The following GPLD1 variants were observed in gnomAD, a reference collection of about 807,000 sequenced individuals.
GPLD1 encodes the protein phosphatidylinositol-glycan-specific phospholipase D.
GPLD1 carries 84 observed loss-of-function variants against 112.6 expected under a neutral mutation model. The observed-to-expected ratio is 0.75, with a 90% CI of 0.63 to 0.89. GPLD1 has a LOEUF of 0.89. Ranked by LOEUF, GPLD1 falls within the 40% of genes least tolerant of loss-of-function variation. GPLD1 has a pLI of 0.00. For missense variants in GPLD1, 1,044 were observed against 1,051.5 expected (o/e 0.99, Z 0.10); for synonymous variants, 386 against 403.8 (o/e 0.96, Z 0.53).
At chr6:24,480,335 G>A (rs558142224) in intron 2 of GPLD1, among the ~76,000 whole-genome samples, 6 of 151,394 alleles carry the variant, frequency 4.0e-5, no homozygotes, top group East Asian at 1.9e-4. Flanking sequence ...GTTGTTGTTT[G>A]TTTGTGTTTT....
At chr6:24,484,432 T>C (rs1376982511) in intron 2 of GPLD1, among the ~76,000 whole-genome samples, 1 of 151,626 alleles carries the variant, frequency 6.6e-6, no homozygotes, top group Non-Finnish European at 1.5e-5. Flanking sequence ...GCCAGGCTGT[T>C]CTCAAACTCC....
intron 2 of GPLD1, among the ~76,000 whole-genome samples, chr6:24,484,115 C>T (rs1764293523): frequency 6.6e-6 from 1 of 151,872 alleles, no homozygotes; most frequent in South Asian, 2.1e-4. Context: ...CGGGGTTTCA[C>T]CGTGTTAGCC....
chr6:24,451,671 G>A (rs116409213), intron 14 of GPLD1, among the ~76,000 whole-genome samples: 2,390 of 152,256 alleles, frequency 0.016, 31 homozygotes, highest in South Asian at 0.05. Context: ...ACATAACAAC[G>A]AATGGCCTTT....
Position 24,428,828 on chromosome 6 carries a change from A to C in GPLD1, c.*204T>G. On this transcript the variant is annotated 3_prime_UTR_variant, in exon 25 of 25. Coordinates refer to ENST00000230036, the MANE Select transcript of GPLD1 (RefSeq NM_001503.4). ...GTAAGCAGAATGTCTGCTATTTCACATATTTCTGGTGCAGTCATATATTTA... is the reference window on the plus strand; with the variant it reads ...GTAAGCAGAATGTCTGCTATTTCACCTATTTCTGGTGCAGTCATATATTTA... 2.3e-6 allele frequency: 1 copy of C among 430,596 alleles called. No homozygotes were observed. The highest frequency in any genetic ancestry group is 4.1e-6 in the Non-Finnish European group (1 of 243,050). The allele number at this position is 430,596 out of a possible 1,614,324, so 26.7% of individuals were successfully genotyped here. A position where few individuals can be genotyped will look rare whatever the true frequency, so the allele number is the denominator to read the frequency against.
At chr6:24,449,251 G>A (rs548643669) in intron 15 of GPLD1, among the ~76,000 whole-genome samples, 1 of 152,102 alleles carries the variant, frequency 6.6e-6, no homozygotes, top group Non-Finnish European at 1.5e-5. Context: ...AGTTGAGTCT[G>A]CAGAGGGCAG....
At chr6:24,439,514 G>C (rs1762680298) in intron 20 of GPLD1, among the ~76,000 whole-genome samples, 3 of 152,158 alleles carry the variant, frequency 2.0e-5, no homozygotes, top group Admixed American at 6.5e-5. Context: ...GTCTGTTAAA[G>C]AAGAGAAGCA....
intron 15 of GPLD1, 131 bp from the exon 16 acceptor site, chr6:24,448,339 G>T: frequency 2.5e-6 from 1 of 398,642 alleles, no homozygotes; most frequent in Non-Finnish European, 4.9e-6. Flanking sequence ...CAGTGCTTTG[G>T]GAGGCCCAAG....
chr6:24,464,500 A>C (rs907279995), intron 10 of GPLD1, among the ~76,000 whole-genome samples: 7 of 152,208 alleles, frequency 4.6e-5, no homozygotes, highest in African/African-American at 1.7e-4. Flanking sequence ...TGTTAAAAAC[A>C]AGTTTATTAT....
At position 24,427,240 on chromosome 6, in the gene GPLD1, G is replaced by A. The variant is rs1420994192; in HGVS notation, c.*1792C>T. Among the ~76,000 whole-genome samples the A allele has an allele frequency of 1.3e-5, 2 of 152,206 alleles. No individual in the cohort carries two copies. Among genetic ancestry groups the A allele is most frequent in the Non-Finnish European group, 2.9e-5 (2 of 68,040 alleles). On this transcript the variant is annotated 3_prime_UTR_variant, in exon 25 of 25. Transcript: ENST00000230036. ...CTTAAGTGTGCCACGCTGCAGGACT[G>A]ACAAATGAAATCCATCCTACGAAAA...
At chr6:24,478,354 G>T (rs1696351734) in intron 3 of GPLD1, among the ~76,000 whole-genome samples, 1 of 152,190 alleles carries the variant, frequency 6.6e-6, no homozygotes, top group Non-Finnish European at 1.5e-5. Flanking sequence ...AAAGCTAGCT[G>T]CCTGGGATTC....
At chr6:24,445,668 T>C (rs901941802) in intron 19 of GPLD1, 29 bp from the exon 20 acceptor site, 5 of 1,604,616 alleles carry the variant, frequency 3.1e-6, no homozygotes, top group South Asian at 1.1e-5. Context: ...CAATATTGTA[T>C]AGGTGAGAAA....
At chr6:24,474,154 C>CA (rs982865608) in intron 5 of GPLD1, among the ~76,000 whole-genome samples, 7 of 131,690 alleles carry the variant, frequency 5.3e-5, no homozygotes, top group East Asian at 2.1e-4. Flanking sequence ...AAAACAACAA[C>CA]AAAAAAAACC....
chr6:24,446,947 C>A lies in GPLD1; in HGVS notation c.1711G>T (p.Val571Leu), dbSNP rs781494186. The change falls in exon 18 of 25, where the codon GTG becomes TTG. Residue 571 changes from valine (V) to leucine (L), a missense_variant. Coordinates refer to ENST00000230036, the MANE Select transcript of GPLD1 (RefSeq NM_001503.4). Reference sequence around the variant, plus strand: ...CAGGAGAAGTCTTCCTCGCCTCTCACCGTCCAGTTGGCTGCCTCCACGTTC... The same window carrying A: ...CAGGAGAAGTCTTCCTCGCCTCTCAACGTCCAGTTGGCTGCCTCCACGTTC... ...KLNVEAANWT[V>L]RGEEDFSWFG... 5 of 1,613,700 alleles carry A rather than the reference C, an allele frequency of 3.1e-6. No individual in the cohort carries two copies. The highest frequency in any genetic ancestry group is 2.5e-6 in the Non-Finnish European group (3 of 1,179,786).
chr6:24,461,042 C>T (rs1171466712), intron 11 of GPLD1, among the ~76,000 whole-genome samples: 3 of 152,064 alleles, frequency 2.0e-5, no homozygotes, highest in Non-Finnish European at 2.9e-5. Flanking sequence ...CACGCCCAGC[C>T]AGCATACTGA....
Position 24,454,067 on chromosome 6 carries a change from G to A in GPLD1, c.1283C>T (p.Pro428Leu), listed in dbSNP as rs1030813699. The A allele has an allele frequency of 7.4e-6, 12 of 1,613,318 alleles. No homozygotes were observed. The highest frequency in any genetic ancestry group is 2.7e-5 in the African/African-American group (2 of 74,912). The change falls in exon 14 of 25, where the codon CCT becomes CTT. Residue 428 changes from proline (P) to leucine (L), a missense_variant. Pro to Leu is a moderately conservative substitution (Grantham distance 98). Transcript: ENST00000230036. ...CTCCTTGTCCAGGTCCAGGTCAACA[G>A]GTGGCAGGCCCAGGTCATTGCCGTA... ...LIYGNDLGLP[P>L]VDLDLDKEAH...
At chr6:24,484,159 C>T (rs191302399) in intron 2 of GPLD1, among the ~76,000 whole-genome samples, 80 of 152,262 alleles carry the variant, frequency 5.3e-4, no homozygotes, top group African/African-American at 1.8e-3. Flanking sequence ...TCATGATCTG[C>T]CCGCCTTGGC....
intron 10 of GPLD1, among the ~76,000 whole-genome samples, chr6:24,465,196 CAAAAA>C (rs34368143): frequency 0.042 from 4,205 of 101,238 alleles, 226 homozygotes; most frequent in African/African-American, 0.13. Context: ...GACTCTGTCT[CAAAAA>C]AAAAAAAAAA....
chr6:24,425,158 C>CT (rs1386585805), downstream of GPLD1: 1 of 152,184 alleles, frequency 6.6e-6, no homozygotes, highest in Non-Finnish European at 1.5e-5. Context: ...TTTGATAATA[C>CT]TTATATTTCA....
intron 20 of GPLD1, 151 bp from the exon 21 acceptor site, chr6:24,437,440 C>T: frequency 1.5e-6 from 1 of 664,484 alleles, no homozygotes. Context: ...CAGGGAGGTA[C>T]AACCAGCTTG....
Sources: gnomAD v4.1 joint callset for allele counts (sites outside exome capture counted in the v4.1 genomes callset) on GRCh38, gnomAD v4.1.1 for gene constraint, MANE v1.5 for transcripts, NCBI Gene and HGNC (gene_info 2026-07-23, HGNC 2026-07-21) for gene names.